Variants in LRP1B observed in about 807,000 individuals in gnomAD.
The protein encoded by LRP1B is low-density lipoprotein receptor-related protein 1B.
A neutral mutation model predicts 556.6 loss-of-function variants in LRP1B; 217 were observed. The observed-to-expected ratio is 0.39, with a 90% confidence interval of 0.35 to 0.44. The LOEUF (loss-of-function observed/expected upper bound fraction) is 0.44. LRP1B is among the 20% of genes least tolerant of loss of function. The probability of loss-of-function intolerance (pLI) is 1.00; values close to 1 mark genes in which losing one functional copy is unlikely to be tolerated. For missense variants in LRP1B, 5,053 were observed against 5,620.8 expected (o/e 0.90, Z 3.23); for synonymous variants, 2,047 against 1,865.8 (o/e 1.10, Z -2.50).
chr2:140,893,647 T>C (rs1005822415), intron 23 of LRP1B, among the ~76,000 whole-genome samples: 3 of 152,152 alleles, frequency 2.0e-5, no homozygotes, highest in African/African-American at 7.2e-5. Context: ...AGGTGTTGGG[T>C]AAATGGTAGC....
intron 23 of LRP1B, among the ~76,000 whole-genome samples, chr2:140,893,007 G>A (rs2105205162): frequency 6.6e-6 from 1 of 152,240 alleles, no homozygotes; most frequent in East Asian, 1.9e-4. Context: ...ACAGAGGAAA[G>A]GAAGAGGGGT....
At chr2:142,035,053 T>A (rs1703833050) in intron 1 of LRP1B, among the ~76,000 whole-genome samples, 1 of 151,792 alleles carries the variant, frequency 6.6e-6, no homozygotes, top group African/African-American at 2.4e-5. Flanking sequence ...ACTGTACTAT[T>A]CCTTTTTAGT....
At chr2:140,428,128 C>T (rs1287671511) in intron 66 of LRP1B, among the ~76,000 whole-genome samples, 3 of 152,116 alleles carry the variant, frequency 2.0e-5, no homozygotes, top group Non-Finnish European at 2.9e-5. Context: ...GTCAAAAAGC[C>T]GTCTTATTCT....
intron 2 of LRP1B, among the ~76,000 whole-genome samples, chr2:141,619,634 T>C (rs1192457320): frequency 6.6e-6 from 1 of 152,216 alleles, no homozygotes; most frequent in East Asian, 1.9e-4. Context: ...ATTAAGAATC[T>C]GTGAGTTTGC....
chr2:141,673,435 A>G (rs537978439), intron 2 of LRP1B, among the ~76,000 whole-genome samples: 1 of 152,230 alleles, frequency 6.6e-6, no homozygotes, highest in African/African-American at 2.4e-5. Context: ...TCTTCCCTCA[A>G]TTTCCCTTTT....
intron 31 of LRP1B, among the ~76,000 whole-genome samples, chr2:140,830,772 T>A (rs78049247): frequency 6.6e-6 from 1 of 152,108 alleles, no homozygotes; most frequent in African/African-American, 2.4e-5. Context: ...AGAAGGCAAA[T>A]TATTTTTGTT....
chr2:141,523,018 T>C (rs193099985), intron 2 of LRP1B, among the ~76,000 whole-genome samples: 1 of 152,256 alleles, frequency 6.6e-6, no homozygotes, highest in Non-Finnish European at 1.5e-5. Context: ...CTGTATATTA[T>C]GAGGACTCTG....
intron 80 of LRP1B, among the ~76,000 whole-genome samples, chr2:140,324,354 T>C (rs1344459046): frequency 6.6e-6 from 1 of 152,030 alleles, no homozygotes; most frequent in Non-Finnish European, 1.5e-5. Flanking sequence ...TGCAGACTAA[T>C]CCTCTCTGCT....
intron 6 of LRP1B, among the ~76,000 whole-genome samples, chr2:141,225,650 T>C (rs1683218934): frequency 6.6e-6 from 1 of 152,150 alleles, no homozygotes; most frequent in African/African-American, 2.4e-5. Context: ...AAATGCTAAA[T>C]AATAAATATC....
chr2:141,123,613 G>A (rs62173722), intron 7 of LRP1B, among the ~76,000 whole-genome samples: 8,329 of 152,018 alleles, frequency 0.055, 415 homozygotes, highest in African/African-American at 0.13. Context: ...TTTTGTTTGG[G>A]AGCTATTGAA....
At chr2:140,605,582 T>G (rs1215440232) in intron 41 of LRP1B, among the ~76,000 whole-genome samples, 1 of 151,962 alleles carries the variant, frequency 6.6e-6, no homozygotes, top group Non-Finnish European at 1.5e-5. Flanking sequence ...GCTTGCTTGC[T>G]TCTCTTTTTA....
intron 21 of LRP1B, among the ~76,000 whole-genome samples, chr2:140,914,625 A>T (rs1245423698): frequency 6.6e-6 from 1 of 152,108 alleles, no homozygotes; most frequent in Non-Finnish European, 1.5e-5. Context: ...CAAAAAAATT[A>T]AGAGAAGAAT....
chr2:141,623,411 G>A (rs1574384), intron 2 of LRP1B, among the ~76,000 whole-genome samples: 113,521 of 152,022 alleles, frequency 0.75, 42,991 homozygotes, highest in East Asian at 0.83. Context: ...TTGACCAAGC[G>A]GAATTCCAAA....
chr2:140,516,601 A>G (rs1269986072), intron 50 of LRP1B, among the ~76,000 whole-genome samples: 1 of 152,084 alleles, frequency 6.6e-6, no homozygotes, highest in African/African-American at 2.4e-5. Flanking sequence ...AAAGTTAATA[A>G]ATTAAGAAAA....
chr2:140,592,546 A>G (rs1371696643), intron 43 of LRP1B, among the ~76,000 whole-genome samples: 1 of 151,972 alleles, frequency 6.6e-6, no homozygotes, highest in Non-Finnish European at 1.5e-5. Context: ...TTGTGAGAAA[A>G]TTCACTTTTC....
intron 41 of LRP1B, among the ~76,000 whole-genome samples, chr2:140,669,750 A>T (rs1685413593): frequency 6.6e-6 from 1 of 152,052 alleles, no homozygotes; most frequent in African/African-American, 2.4e-5. Flanking sequence ...TAAATTTAGG[A>T]ACTGGAGTTT....
intron 1 of LRP1B, among the ~76,000 whole-genome samples, chr2:141,843,763 A>G (rs1304576370): frequency 6.6e-6 from 1 of 152,130 alleles, no homozygotes; most frequent in Non-Finnish European, 1.5e-5. Context: ...GCTACAAATT[A>G]TTGCACAGGG....
chr2:140,651,232 C>T (rs1379478386), intron 41 of LRP1B, among the ~76,000 whole-genome samples: 2 of 151,328 alleles, frequency 1.3e-5, no homozygotes, highest in East Asian at 3.9e-4. Context: ...AATCATCATT[C>T]TCAGTAAACT....
chr2:141,116,561 C>T (rs1479579037), intron 7 of LRP1B, among the ~76,000 whole-genome samples: 1 of 152,094 alleles, frequency 6.6e-6, no homozygotes, highest in Non-Finnish European at 1.5e-5. Context: ...ACTTAGTAGG[C>T]TCGCCATCCC....
Sources: gnomAD v4.1 joint callset for allele counts (sites outside exome capture counted in the v4.1 genomes callset) on GRCh38, gnomAD v4.1.1 for gene constraint, MANE v1.5 for transcripts, NCBI Gene and HGNC (gene_info 2026-07-23, HGNC 2026-07-21) for gene names.